HTR1F: variants seen among roughly 807,000 people sequenced by gnomAD.
HTR1F encodes 5-hydroxytryptamine (serotonin) receptor 1F, G protein-coupled.
In HTR1F, 17 loss-of-function variants were observed where a neutral mutation model predicts 24.0. That is an observed-to-expected ratio of 0.71 (90% confidence interval 0.48 to 1.06). The LOEUF (loss-of-function observed/expected upper bound fraction) is 1.06, where lower values mean the gene tolerates loss of function less well. Ranked by LOEUF, HTR1F falls within the 50% of genes least tolerant of loss-of-function variation. The pLI is 0.00. For missense variants in HTR1F, 391 were observed against 427.8 expected (o/e 0.91, Z 0.76); for synonymous variants, 186 against 156.8 (o/e 1.19, Z -1.39).
intron 2 of HTR1F, among the ~76,000 whole-genome samples, chr3:87,826,539 C>A (rs1200980867): frequency 6.6e-6 from 1 of 152,160 alleles, no homozygotes; most frequent in Non-Finnish European, 1.5e-5. Context: ...CCTGCTTATA[C>A]ATCCCGTAAA....
At chr3:87,931,016 A>G (rs1704250993) in intron 2 of HTR1F, among the ~76,000 whole-genome samples, 1 of 135,532 alleles carries the variant, frequency 7.4e-6, no homozygotes, top group Non-Finnish European at 1.6e-5. Context: ...ATACTGTGCC[A>G]TAGTCTTTCC....
chr3:87,967,067 C>T (rs1279567829), intron 2 of HTR1F, among the ~76,000 whole-genome samples: 1 of 152,116 alleles, frequency 6.6e-6, no homozygotes, highest in Non-Finnish European at 1.5e-5. Context: ...AAAATATTGT[C>T]TATCCTAATA....
intron 2 of HTR1F, among the ~76,000 whole-genome samples, chr3:87,914,256 G>A (rs963585988): frequency 1.3e-5 from 2 of 152,090 alleles, no homozygotes; most frequent in Non-Finnish European, 2.9e-5. Flanking sequence ...ACCTTCAGGA[G>A]GGAGGCCAGA....
intron 2 of HTR1F, among the ~76,000 whole-genome samples, chr3:87,929,702 G>C (rs115418567): frequency 0.016 from 2,466 of 152,262 alleles, 28 homozygotes; most frequent in Non-Finnish European, 0.027. Context: ...GGTTACTGTA[G>C]CCTTGTAAGA....
intron 1 of HTR1F, among the ~76,000 whole-genome samples, chr3:87,801,859 G>T (rs534808709): frequency 6.6e-6 from 1 of 152,092 alleles, no homozygotes; most frequent in South Asian, 2.1e-4. Flanking sequence ...AATAGTCAAG[G>T]TTATATCCAA....
chr3:87,862,304 C>T (rs189998244), intron 2 of HTR1F, among the ~76,000 whole-genome samples: 1 of 152,226 alleles, frequency 6.6e-6, no homozygotes, highest in Non-Finnish European at 1.5e-5. Context: ...TTTTGAAATC[C>T]AACCAAGTAA....
Position 87,991,946 on chromosome 3 carries a change from A to T in HTR1F, c.*96A>T, listed in dbSNP as rs748136538. ...TAAAACACTTAAGCTTTTAGAGGGA[A>T]ATACATGAAAACTGCTAAATTGATA... On this transcript the variant is annotated 3_prime_UTR_variant, in exon 3 of 3. Coordinates refer to ENST00000319595, the MANE Select transcript of HTR1F (RefSeq NM_001322209.2). 7.6e-6 allele frequency: 8 copies of T among 1,051,434 alleles called. No homozygotes were observed. The highest frequency in any genetic ancestry group is 1.1e-5 in the Non-Finnish European group (8 of 731,798). 65.1% of individuals were successfully genotyped at this position (1,051,434 alleles called of 1,614,324 possible). A position where few individuals can be genotyped will look rare whatever the true frequency, so the allele number is the denominator to read the frequency against.
chr3:87,904,868 T>A (rs1353833053), intron 2 of HTR1F, among the ~76,000 whole-genome samples: 1 of 152,090 alleles, frequency 6.6e-6, no homozygotes, highest in Non-Finnish European at 1.5e-5. Flanking sequence ...GGAGGAGACA[T>A]AGGGATACTT....
intron 2 of HTR1F, among the ~76,000 whole-genome samples, chr3:87,848,118 G>C (rs1011204956): frequency 6.6e-6 from 1 of 151,762 alleles, no homozygotes; most frequent in Admixed American, 6.6e-5. Flanking sequence ...GGCTGTACTA[G>C]TTTACATTCT....
At chr3:87,966,715 A>T (rs1705170553) in intron 2 of HTR1F, among the ~76,000 whole-genome samples, 1 of 152,226 alleles carries the variant, frequency 6.6e-6, no homozygotes, top group Non-Finnish European at 1.5e-5. Flanking sequence ...GACTCATAAG[A>T]TAAAAGATAA....
chr3:87,849,249 C>A (rs1161376034), intron 2 of HTR1F, among the ~76,000 whole-genome samples: 1 of 151,778 alleles, frequency 6.6e-6, no homozygotes, highest in African/African-American at 2.4e-5. Flanking sequence ...GGTACTGGTA[C>A]CAAAACAGAG....
intron 1 of HTR1F, among the ~76,000 whole-genome samples, chr3:87,799,622 T>C (rs760471079): frequency 6.6e-6 from 1 of 152,192 alleles, no homozygotes; most frequent in Non-Finnish European, 1.5e-5. Flanking sequence ...TAGAAGTCTT[T>C]GAAGTGGTTA....
intron 1 of HTR1F, among the ~76,000 whole-genome samples, chr3:87,806,077 A>C (rs899290995): frequency 2.2e-4 from 34 of 152,156 alleles, no homozygotes; most frequent in Non-Finnish European, 4.7e-4. Flanking sequence ...ACATGACTGC[A>C]AATGACATGA....
At chr3:87,881,339 G>A (rs1393672774) in intron 2 of HTR1F, among the ~76,000 whole-genome samples, 1 of 152,208 alleles carries the variant, frequency 6.6e-6, no homozygotes, top group East Asian at 1.9e-4. Context: ...TAGCACAGCA[G>A]TCTGAGATCC....
At position 87,945,854 on chromosome 3, in the gene HTR1F, G is replaced by A. The variant is rs118166046; in HGVS notation, c.-42-44854G>A. ...GAGGTCCCTTCTTGGTCGCCAAAAT[G>A]TTACCGGGGGGGTCCTTGCTCCCAG... On this transcript the variant is annotated intron_variant, in intron 2 of 2. Transcript: ENST00000319595. Among the ~76,000 whole-genome samples, 188 of 151,626 alleles carry A rather than the reference G, an allele frequency of 1.2e-3. 2 individuals carry two copies. The East Asian group carries it at 0.028, about 23-fold the overall frequency.
chr3:87,879,482 G>A (rs1031217558), intron 2 of HTR1F, among the ~76,000 whole-genome samples: 2 of 152,068 alleles, frequency 1.3e-5, no homozygotes, highest in Non-Finnish European at 2.9e-5. Flanking sequence ...ACCTGGCAGT[G>A]CATTAGCCAA....
At chr3:87,928,784 G>A (rs1476647171) in intron 2 of HTR1F, among the ~76,000 whole-genome samples, 2 of 152,108 alleles carry the variant, frequency 1.3e-5, no homozygotes, top group East Asian at 1.9e-4. Context: ...TGATAAACAG[G>A]AGAAGAAAAG....
chr3:87,984,445 T>G (rs1380199996), intron 2 of HTR1F, among the ~76,000 whole-genome samples: 1 of 97,926 alleles, frequency 1.0e-5, no homozygotes, highest in African/African-American at 3.4e-5. Context: ...AAAGAGGTTT[T>G]TTTGTTTGTT....
At chr3:87,987,711 T>C (rs1183702766) in intron 2 of HTR1F, among the ~76,000 whole-genome samples, 5 of 112,874 alleles carry the variant, frequency 4.4e-5, no homozygotes, top group African/African-American at 1.4e-4. Context: ...ATGTATTATA[T>C]ATATGTATTT....
Sources: gnomAD v4.1 joint callset for allele counts (sites outside exome capture counted in the v4.1 genomes callset) on GRCh38, gnomAD v4.1.1 for gene constraint, MANE v1.5 for transcripts, NCBI Gene and HGNC (gene_info 2026-07-23, HGNC 2026-07-21) for gene names.